Variants in DCDC1 observed in about 807,000 individuals in gnomAD.
DCDC1 encodes doublecortin domain-containing protein 1.
DCDC1 carries 200 observed loss-of-function variants against 178.3 expected under a neutral mutation model. The observed-to-expected ratio is 1.12, with a 90% confidence interval of 1.00 to 1.26. DCDC1 has a LOEUF of 1.26. Among genes scored for constraint, DCDC1 ranks in the 50% most tolerant of loss-of-function variants. The pLI is 0.00. For synonymous variants in DCDC1, 690 were observed against 604.8 expected (o/e 1.14, Z -2.07); for missense variants, 1,983 against 1,749.2 (o/e 1.13, Z -2.38).
chr11:31,213,099 GCCTCTC>G (rs1565441597), intron 9 of DCDC1, among the ~76,000 whole-genome samples: 3 of 29,458 alleles, frequency 1.0e-4, no homozygotes, highest in Admixed American at 3.9e-4. Flanking sequence ...ATAAAGCCCA[GCCTCTC>G]TCTCTCTCTC....
chr11:30,878,309 T>A (rs536406278), intron 38 of DCDC1, among the ~76,000 whole-genome samples: 45 of 151,836 alleles, frequency 3.0e-4, no homozygotes, highest in Non-Finnish European at 5.1e-4. Context: ...AAATATTAGC[T>A]GGGTGTAGTG....
chr11:30,972,251 T>G (rs1193721332), intron 20 of DCDC1, among the ~76,000 whole-genome samples: 2 of 152,164 alleles, frequency 1.3e-5, no homozygotes, highest in Non-Finnish European at 2.9e-5. Flanking sequence ...TAGTCACTTA[T>G]GAGGAAACCT....
chr11:31,172,909 T>C (rs1967440990), intron 9 of DCDC1, among the ~76,000 whole-genome samples: 1 of 152,128 alleles, frequency 6.6e-6, no homozygotes, highest in Non-Finnish European at 1.5e-5. Flanking sequence ...ACTGTAGTTA[T>C]AAGAAGGACT....
intron 9 of DCDC1, among the ~76,000 whole-genome samples, chr11:31,144,737 C>T (rs1964253762): frequency 6.6e-6 from 1 of 151,908 alleles, no homozygotes. Context: ...TTTCTTTGCT[C>T]TTACTTTCCT....
intron 36 of DCDC1, among the ~76,000 whole-genome samples, chr11:30,889,823 TGAGTTTAGGATAGTGTTATGGAC>T (rs1472846866): frequency 5.3e-5 from 8 of 152,302 alleles, no homozygotes; most frequent in Admixed American, 2.0e-4. Context: ...TTCAAGCACT[TGAGTTTAGGATAGTGTTATGGAC>T]TAAACTGTGT....
chr11:31,149,784 C>T (rs998048391), intron 9 of DCDC1, among the ~76,000 whole-genome samples: 2 of 151,846 alleles, frequency 1.3e-5, no homozygotes, highest in South Asian at 2.1e-4. Flanking sequence ...AGCAAGACCA[C>T]GAACCCACAG....
chr11:31,124,730 T>A, intron 11 of DCDC1, among the ~76,000 whole-genome samples: 1 of 152,078 alleles, frequency 6.6e-6, no homozygotes, highest in East Asian at 1.9e-4. Flanking sequence ...TGGCTAACCA[T>A]AGGAGGAAAT....
intron 7 of DCDC1, among the ~76,000 whole-genome samples, chr11:31,267,589 C>T (rs1275099276): frequency 6.6e-6 from 1 of 152,196 alleles, no homozygotes; most frequent in East Asian, 1.9e-4. Context: ...AAGAATGTAA[C>T]AACCCTGGTG....
At chr11:31,019,052 G>A (rs533245056) in intron 20 of DCDC1, among the ~76,000 whole-genome samples, 79 of 152,274 alleles carry the variant, frequency 5.2e-4, no homozygotes, top group African/African-American at 1.7e-3. Context: ...TTCTATATCT[G>A]ATAGACCTGG....
intron 36 of DCDC1, among the ~76,000 whole-genome samples, chr11:30,885,701 T>A (rs754249808): frequency 1.3e-5 from 2 of 152,114 alleles, no homozygotes; most frequent in Admixed American, 1.3e-4. Context: ...TCTTCATGTA[T>A]ACAACAGGTG....
At chr11:31,298,759 T>C (rs1414937580) in intron 6 of DCDC1, among the ~76,000 whole-genome samples, 2 of 152,222 alleles carry the variant, frequency 1.3e-5, no homozygotes, top group Non-Finnish European at 2.9e-5. Context: ...CAAAATTAAA[T>C]AAATCTGGAT....
At chr11:30,901,641 T>C (rs746333591) in intron 32 of DCDC1, among the ~76,000 whole-genome samples, 46 of 152,280 alleles carry the variant, frequency 3.0e-4, no homozygotes, top group Admixed American at 1.2e-3. Context: ...GAGGAAGAGA[T>C]GGAATCAAAA....
At chr11:31,357,070 C>T (rs993886700) in intron 1 of DCDC1, among the ~76,000 whole-genome samples, 2 of 152,048 alleles carry the variant, frequency 1.3e-5, no homozygotes, top group East Asian at 3.9e-4. Flanking sequence ...AGAGGGAATC[C>T]TCCCTAACTC....
At chr11:31,011,051 T>G (rs945672594) in intron 20 of DCDC1, among the ~76,000 whole-genome samples, 1 of 152,154 alleles carries the variant, frequency 6.6e-6, no homozygotes, top group African/African-American at 2.4e-5. Flanking sequence ...ACAGAGGTGA[T>G]GTTAAAAATT....
At position 30,906,707 on chromosome 11, in the gene DCDC1, G is replaced by C. The variant is rs779479733; in HGVS notation, c.3937C>G (p.Pro1313Ala). The C allele has an allele frequency of 1.9e-6, 3 of 1,613,142 alleles. No homozygotes were observed. The South Asian group carries it at 3.3e-5, about 18-fold the overall frequency. Residue 1313 changes from proline (P) to alanine (A), a missense_variant, in exon 30 of 39, where the codon CCT becomes GCT. Pro to Ala is a conservative substitution (Grantham distance 27, BLOSUM62 -1). Transcript: ENST00000684477. ...AGCATAGTTTTTCTCTTTCCATCAG[G>C]TGAGAGATAACAGTATCCCTAAAAT... Reference protein sequence around the residue: ...IDQPGYCYLSPDGKRKTMLCL... With the variant: ...IDQPGYCYLSADGKRKTMLCL...
intron 9 of DCDC1, among the ~76,000 whole-genome samples, chr11:31,237,803 TCAAA>T (rs911331273): frequency 1.3e-5 from 2 of 152,066 alleles, no homozygotes; most frequent in Non-Finnish European, 2.9e-5. Context: ...AAATTTAATA[TCAAA>T]CAATCATTTT....
intron 2 of DCDC1, among the ~76,000 whole-genome samples, chr11:31,329,460 C>T (rs932053297): frequency 2.0e-5 from 3 of 152,036 alleles, no homozygotes; most frequent in African/African-American, 7.3e-5. Flanking sequence ...AGGATTGTTA[C>T]ATATGTACAC....
At position 31,091,489 on chromosome 11, in the gene DCDC1, G is replaced by C. The variant is rs187165733; in HGVS notation, c.2141C>G (p.Ala714Gly). 2 of 757,024 alleles carry C rather than the reference G, an allele frequency of 2.6e-6. No homozygotes were observed. The highest frequency in any genetic ancestry group is 4.8e-6 in the Non-Finnish European group (2 of 413,220). The allele number at this position is 757,024 out of a possible 1,614,324, so 46.9% of individuals were successfully genotyped here. ...AATAGCCAGGCAGCCCTGAGTTATC[G>C]CTCGGCTCAGGATCATTCCAGTCTT... ...ITKTGMILSR[A>G]ITQGCLAIGH... is the part of the protein sequence containing the mutation. Residue 714 changes from alanine to glycine, a missense_variant, in exon 17 of 39, where the codon GCG (alanine) becomes GGG (glycine). Ala to Gly is a moderately conservative substitution (Grantham distance 60, BLOSUM62 0). Transcript: ENST00000684477.
chr11:31,208,410 A>G (rs1972110834), intron 9 of DCDC1, among the ~76,000 whole-genome samples: 1 of 152,106 alleles, frequency 6.6e-6, no homozygotes, highest in African/African-American at 2.4e-5. Context: ...TGAGTCTTAT[A>G]ATTCCTCATA....
Sources: gnomAD v4.1 joint callset for allele counts (sites outside exome capture counted in the v4.1 genomes callset) on GRCh38, gnomAD v4.1.1 for gene constraint, MANE v1.5 for transcripts, NCBI Gene and HGNC (gene_info 2026-07-23, HGNC 2026-07-21) for gene names.